WT1: variants seen among roughly 807,000 people sequenced by gnomAD.
The protein encoded by WT1 is Wilms tumor protein.
Under a neutral mutation model 60.8 loss-of-function variants are expected in WT1, and 8 were observed. That is an observed-to-expected ratio of 0.13 (90% CI 0.08 to 0.24). WT1 has a LOEUF of 0.24. Among genes scored for constraint, WT1 ranks in the 10% least tolerant of loss-of-function variants. The probability of loss-of-function intolerance (pLI) is 1.00; values close to 1 mark genes in which losing one functional copy is unlikely to be tolerated. For missense variants in WT1, 568 were observed against 711.8 expected, an observed-to-expected ratio of 0.80 and a Z score of 2.30; for synonymous variants, 312 against 297.1, an observed-to-expected ratio of 1.05 and a Z score of -0.52.
At chr11:32,430,740 G>A (rs557323865) in intron 1 of WT1, 6 of 1,342,362 alleles carry the variant, frequency 4.5e-6, no homozygotes, top group East Asian at 2.7e-5. Context: ...GACCGGACAC[G>A]CAGACCTCGG....
Position 32,405,323 on chromosome 11 carries a change from G to A in WT1, c.1017-5279C>T, listed in dbSNP as rs534100675. 1.4e-3 allele frequency among the ~76,000 whole-genome samples: 206 copies of A among 152,148 alleles called. 1 individual carries two copies. The highest frequency in any genetic ancestry group is 6.8e-3 in the Middle Eastern group (2 of 292). On this transcript the variant is annotated intron_variant, in intron 5 of 9. Coordinates refer to ENST00000452863, the MANE Select transcript of WT1 (RefSeq NM_024426.6). ...GTAGGAAATCTGGACTTTTTTGAGA[G>A]CACCTGAGTTATAAGTTCTTGCGAA...
chr11:32,388,391 A>G lies in WT1; in HGVS notation c.*667T>C, dbSNP rs1244980349. 8.5e-6 allele frequency: 2 copies of G among 233,926 alleles called. No homozygotes were observed. The highest frequency in any genetic ancestry group is 1.7e-5 in the Non-Finnish European group (2 of 118,522). 14.5% of individuals were successfully genotyped at this position (233,926 alleles called of 1,614,324 possible). A position where few individuals can be genotyped will look rare whatever the true frequency, so the allele number is the denominator to read the frequency against. On this transcript the variant is annotated 3_prime_UTR_variant, in exon 10 of 10. Coordinates refer to ENST00000452863, the MANE Select transcript of WT1 (RefSeq NM_024426.6). The stretch of plus-strand genomic sequence containing the variant: ...TTAAGAGCAGTGTGCCAGTGTTCAC[A>G]TTGAATTAACTGAATGGTAAAATTC...
At chr11:32,416,622 A>G (rs1852682025) in intron 4 of WT1, 82 bp from the exon 5 acceptor site, 2 of 1,529,998 alleles carry the variant, frequency 1.3e-6, no homozygotes, top group Non-Finnish European at 1.8e-6. Flanking sequence ...AATCCAGTGA[A>G]AAGCCCCTCA....
At chr11:32,425,336 G>T (rs1040109383) in intron 3 of WT1, among the ~76,000 whole-genome samples, 1 of 151,838 alleles carries the variant, frequency 6.6e-6, no homozygotes, top group African/African-American at 2.4e-5. Context: ...GAGAAAAAAT[G>T]AATGAAACCA....
At chr11:32,396,158 T>C in intron 7 of WT1, 99 bp downstream of exon 7, 1 of 1,562,878 alleles carries the variant, frequency 6.4e-7, no homozygotes, top group African/African-American at 1.4e-5. Flanking sequence ...AGTGCTTACT[T>C]TCCATCCTGG....
chr11:32,393,862 G>A (rs147258285), intron 7 of WT1, among the ~76,000 whole-genome samples: 1 of 152,250 alleles, frequency 6.6e-6, no homozygotes, highest in Admixed American at 6.5e-5. Flanking sequence ...TTCTTCAATG[G>A]GTTGGAAAAT....
Position 32,434,886 on chromosome 11 carries a change from C to T in WT1, c.475G>A (p.Glu159Lys), listed in dbSNP as rs768165877. 2.6e-5 allele frequency: 42 copies of T among 1,612,078 alleles called. No individual in the cohort carries two copies. Among genetic ancestry groups the T allele is most frequent in the Admixed American group, 5.0e-5 (3 of 59,952 alleles). Residue 159 changes from glutamate to lysine, a missense_variant, in exon 1 of 10, where the codon GAG (glutamate) becomes AAG (lysine). Physicochemically the swap from Glu to Lys is moderately conservative, Grantham distance 56. This residue lies in a region of WT1 where 523 missense variants were observed against 565.1 expected (regional missense o/e 0.93). Coordinates refer to ENST00000452863, the MANE Select transcript of WT1 (RefSeq NM_024426.6). ...ACAGTGAAGGCGCTCAGGCACTGCT[C>T]CTCGTGCGGCTCCGCGCCGCCCCAG...
chr11:32,416,058 A>G (rs1253793252), intron 5 of WT1, among the ~76,000 whole-genome samples: 2 of 152,162 alleles, frequency 1.3e-5, no homozygotes, highest in Non-Finnish European at 2.9e-5. Context: ...AACAACAAAA[A>G]ACAAGTCTTT....
chr11:32,393,307 A>G (rs1851871348), intron 7 of WT1, among the ~76,000 whole-genome samples: 1 of 152,198 alleles, frequency 6.6e-6, no homozygotes, highest in Non-Finnish European at 1.5e-5. Flanking sequence ...AGACCCTCAA[A>G]ACACACCAAA....
chr11:32,413,897 T>C (rs1385530419), intron 5 of WT1, among the ~76,000 whole-genome samples: 1 of 152,204 alleles, frequency 6.6e-6, no homozygotes, highest in African/African-American at 2.4e-5. Flanking sequence ...TGCCACTCAC[T>C]TACTATGTGA....
rs1357760274 is a variant in WT1 at position 32,428,033 on chromosome 11, G to A, written c.810C>T (p.Pro270=). ...TGGGGGTGTGGCAGCCATAGACCGG[G>A]GGCGGCACCGAGTACTGCTGCTCAC... The change falls in exon 3 of 10, where the codon CCC becomes CCT. Residue 270 remains proline, a synonymous_variant. Coordinates refer to ENST00000452863, the MANE Select transcript of WT1 (RefSeq NM_024426.6). The A allele has an allele frequency of 6.2e-7, 1 of 1,609,346 alleles. No homozygotes were observed. Among genetic ancestry groups the A allele is most frequent in the Non-Finnish European group, 8.5e-7 (1 of 1,177,396 alleles).
chr11:32,435,295 C>G lies in WT1; in HGVS notation c.66G>C (p.Thr22=). 11 of 1,533,448 alleles carry G rather than the reference C, an allele frequency of 7.2e-6. No homozygotes were observed. Among genetic ancestry groups the G allele is most frequent in the Non-Finnish European group, 9.6e-6 (11 of 1,146,448 alleles). 95.0% of individuals were successfully genotyped at this position (1,533,448 alleles called of 1,614,324 possible). A position where few individuals can be genotyped will look rare whatever the true frequency, so the allele number is the denominator to read the frequency against. ...GTAGGCACCCAGGCCCGGAGCGGAG[C>G]GTGTGCTGAGACGCCGGCTCCGGGA... The change falls in exon 1 of 10, where the codon ACG becomes ACC. Residue 22 remains threonine, a synonymous_variant. Coordinates refer to ENST00000452863, the MANE Select transcript of WT1 (RefSeq NM_024426.6).
chr11:32,399,488 A>G (rs1254034208), intron 6 of WT1, among the ~76,000 whole-genome samples: 1 of 152,250 alleles, frequency 6.6e-6, no homozygotes. Flanking sequence ...AAAGCTTAGC[A>G]CAATGCCTAG....
At chr11:32,426,519 C>T (rs1853042804) in intron 3 of WT1, among the ~76,000 whole-genome samples, 1 of 152,166 alleles carries the variant, frequency 6.6e-6, no homozygotes, top group South Asian at 2.1e-4. Context: ...GGCAGCATGC[C>T]GCGCCTGTGG....
chr11:32,425,103 G>A (rs1852983929), intron 3 of WT1, among the ~76,000 whole-genome samples: 1 of 151,460 alleles, frequency 6.6e-6, no homozygotes, highest in African/African-American at 2.4e-5. Flanking sequence ...ACTTGAATCT[G>A]GGAGATGGAG....
At chr11:32,391,467 C>T (rs924865626) in intron 9 of WT1, among the ~76,000 whole-genome samples, 2 of 152,198 alleles carry the variant, frequency 1.3e-5, no homozygotes, top group Admixed American at 6.5e-5. Context: ...CCTCTCTGTA[C>T]TAGTATGAAG....
At position 32,428,574 on chromosome 11, in the gene WT1, G is replaced by A. The variant is rs1372808262; in HGVS notation, c.707C>T (p.Thr236Met). ...GAACTGCGCCGCATGGTGCGAGGGCGTGTGACCGTAGCTGGGCGTCCCGTC... is the reference window on the plus strand; with the variant it reads ...GAACTGCGCCGCATGGTGCGAGGGCATGTGACCGTAGCTGGGCGTCCCGTC... The change falls in exon 2 of 10, where the codon ACG becomes ATG. Residue 236 changes from threonine to methionine, a missense_variant. Physicochemically the swap from Thr to Met is moderately conservative, Grantham distance 81 (BLOSUM62 -1). Transcript: ENST00000452863. 3.1e-6 allele frequency: 5 copies of A among 1,613,988 alleles called. No homozygotes were observed. Among genetic ancestry groups the A allele is most frequent in the East Asian group, 2.2e-5 (1 of 44,856 alleles).
rs1486888100 is a variant in WT1 at position 32,388,121 on chromosome 11, A to C, written c.*937T>G. ...TTGTAGACCCAAAGGTCCTTAAGTTACTTAAAAACAGTCTTATCAGTGGAG... is the reference window on the plus strand; with the variant it reads ...TTGTAGACCCAAAGGTCCTTAAGTTCCTTAAAAACAGTCTTATCAGTGGAG... On this transcript the variant is annotated 3_prime_UTR_variant, in exon 10 of 10. Coordinates refer to ENST00000452863, the MANE Select transcript of WT1 (RefSeq NM_024426.6). 2 of 234,786 alleles carry C rather than the reference A, an allele frequency of 8.5e-6. No individual in the cohort carries two copies. Among genetic ancestry groups the C allele is most frequent in the African/African-American group, 4.4e-5 (2 of 45,302 alleles). The allele number at this position is 234,786 out of a possible 1,614,324, so 14.5% of individuals were successfully genotyped here. A position where few individuals can be genotyped will look rare whatever the true frequency, so the allele number is the denominator to read the frequency against.
At chr11:32,421,200 A>G (rs553643660) in intron 3 of WT1, among the ~76,000 whole-genome samples, 1 of 152,342 alleles carries the variant, frequency 6.6e-6, no homozygotes, top group East Asian at 1.9e-4. Context: ...GCAATCGCTC[A>G]ACACCCAGCT....
Sources: gnomAD v4.1 joint callset for allele counts (sites outside exome capture counted in the v4.1 genomes callset) on GRCh38, gnomAD v4.1.1 for gene constraint, gnomAD v4.1.1 regional missense constraint, MANE v1.5 for transcripts, NCBI Gene and HGNC (gene_info 2026-07-23, HGNC 2026-07-21) for gene names.